Variants in SH3RF2 observed in about 807,000 individuals in gnomAD.
SH3RF2 encodes the protein E3 ubiquitin-protein ligase SH3RF2.
SH3RF2 carries 43 observed loss-of-function variants against 59.0 expected under a neutral mutation model. The ratio of observed to expected loss-of-function variants is 0.73; its 90% confidence interval spans 0.57 to 0.94. The LOEUF (loss-of-function observed/expected upper bound fraction) is 0.94. SH3RF2 is among the 40% of genes least tolerant of loss of function. SH3RF2 has a pLI of 0.00. For missense variants in SH3RF2, 930 were observed against 940.1 expected (o/e 0.99, Z 0.14); for synonymous variants, 391 against 391.5 (o/e 1.00, Z 0.01).
At chr5:146,033,944 G>A (rs1223682753) in intron 5 of SH3RF2, among the ~76,000 whole-genome samples, 1 of 152,208 alleles carries the variant, frequency 6.6e-6, no homozygotes, top group African/African-American at 2.4e-5. Context: ...CAATTGGAAG[G>A]ATGGTTTTCT....
intron 9 of SH3RF2, among the ~76,000 whole-genome samples, chr5:146,076,968 C>T (rs746628264): frequency 3.9e-5 from 6 of 152,164 alleles, no homozygotes. Flanking sequence ...CCTGTTACAT[C>T]AGCACAAGTC....
At chr5:146,068,098 G>C (rs2962536), downstream of SH3RF2, among the ~76,000 whole-genome samples, 87,514 of 152,132 alleles carry the variant, frequency 0.58, 25,926 homozygotes, top group South Asian at 0.79. Context: ...CGCTGAGTGG[G>C]AGGGAGGGCA....
chr5:146,077,210 A>G (rs1763355786), intron 9 of SH3RF2, among the ~76,000 whole-genome samples: 1 of 152,154 alleles, frequency 6.6e-6, no homozygotes, highest in South Asian at 2.1e-4. Flanking sequence ...AGGGGCTGCC[A>G]GAGAGGTTTG....
intron 2 of SH3RF2, among the ~76,000 whole-genome samples, chr5:145,941,339 T>A (rs1407791946): frequency 1.3e-5 from 2 of 152,062 alleles, no homozygotes; most frequent in Admixed American, 6.5e-5. Flanking sequence ...GAGAAAAAAA[T>A]TGCCTATTGT....
chr5:145,995,961 C>G (rs1382375967), intron 2 of SH3RF2, among the ~76,000 whole-genome samples: 2 of 152,062 alleles, frequency 1.3e-5, no homozygotes, highest in African/African-American at 4.8e-5. Context: ...CAACCAATTC[C>G]CTGTTTATTC....
intron 4 of SH3RF2, among the ~76,000 whole-genome samples, chr5:146,009,484 T>C (rs1427223847): frequency 6.6e-6 from 1 of 152,224 alleles, no homozygotes; most frequent in Non-Finnish European, 1.5e-5. Context: ...TCTGGGCATA[T>C]TCTTACCTCC....
At chr5:145,994,409 G>A (rs543799568) in intron 2 of SH3RF2, among the ~76,000 whole-genome samples, 7 of 152,060 alleles carry the variant, frequency 4.6e-5, no homozygotes, top group Non-Finnish European at 1.0e-4. Context: ...CCAATTTATT[G>A]TATTAGTCCA....
At chr5:145,980,086 G>C (rs1759451682) in intron 2 of SH3RF2, among the ~76,000 whole-genome samples, 1 of 152,160 alleles carries the variant, frequency 6.6e-6, no homozygotes, top group South Asian at 2.1e-4. Context: ...TTTGGAAGTA[G>C]GGATGAACAG....
intron 5 of SH3RF2, among the ~76,000 whole-genome samples, chr5:146,025,039 C>T (rs1389099144): frequency 1.3e-5 from 2 of 152,174 alleles, no homozygotes; most frequent in African/African-American, 2.4e-5. Context: ...AAATCTGTCA[C>T]TCCTGAATTT....
intron 9 of SH3RF2, among the ~76,000 whole-genome samples, chr5:146,077,967 G>A (rs927456144): frequency 3.9e-5 from 6 of 152,144 alleles, no homozygotes; most frequent in South Asian, 2.1e-4. Context: ...GATGATAACC[G>A]GTAGAATGAA....
chr5:146,035,725 A>G (rs1761914131), intron 5 of SH3RF2, among the ~76,000 whole-genome samples: 1 of 152,232 alleles, frequency 6.6e-6, no homozygotes, highest in African/African-American at 2.4e-5. Flanking sequence ...CTACTTTATA[A>G]GGACGTAGGT....
intron 4 of SH3RF2, among the ~76,000 whole-genome samples, chr5:146,012,495 G>T (rs1347056232): frequency 6.6e-6 from 1 of 152,062 alleles, no homozygotes; most frequent in Non-Finnish European, 1.5e-5. Context: ...TCTGGTCCTG[G>T]ACTTTTCTTG....
At chr5:146,034,478 A>G (rs1054774969) in intron 5 of SH3RF2, among the ~76,000 whole-genome samples, 6 of 152,242 alleles carry the variant, frequency 3.9e-5, no homozygotes, top group African/African-American at 1.4e-4. Flanking sequence ...GCCAGCAAGC[A>G]TGCCATCCAG....
chr5:146,026,550 T>C (rs1358752798), intron 5 of SH3RF2, among the ~76,000 whole-genome samples: 2 of 152,158 alleles, frequency 1.3e-5, no homozygotes. Flanking sequence ...TGAATCATGG[T>C]TATTGTTGTG....
chr5:146,000,986 A>G (rs1041255904), intron 3 of SH3RF2, among the ~76,000 whole-genome samples: 1 of 152,214 alleles, frequency 6.6e-6, no homozygotes, highest in Non-Finnish European at 1.5e-5. Context: ...AATTCTACTC[A>G]TTTACATTCT....
chr5:145,983,505 C>T (rs1193588084), intron 2 of SH3RF2, among the ~76,000 whole-genome samples: 1 of 152,170 alleles, frequency 6.6e-6, no homozygotes, highest in Non-Finnish European at 1.5e-5. Flanking sequence ...TCCTTCATGC[C>T]AATTCATTCC....
chr5:146,072,411 G>A (rs1763257230), intron 9 of SH3RF2, among the ~76,000 whole-genome samples: 1 of 152,188 alleles, frequency 6.6e-6, no homozygotes, highest in African/African-American at 2.4e-5. Flanking sequence ...GGTGGCTCAC[G>A]CCTGTAATTC....
At chr5:145,949,436 C>T (rs1056593387) in intron 2 of SH3RF2, among the ~76,000 whole-genome samples, 29 of 152,186 alleles carry the variant, frequency 1.9e-4, no homozygotes, top group African/African-American at 7.0e-4. Context: ...GTGATATTAA[C>T]GAGCTGCCTG....
At chr5:145,994,598 C>T (rs1172577074) in intron 2 of SH3RF2, among the ~76,000 whole-genome samples, 1 of 152,124 alleles carries the variant, frequency 6.6e-6, no homozygotes, top group Non-Finnish European at 1.5e-5. Context: ...CTTGATACAC[C>T]CATCAGATCT....
Sources: allele counts gnomAD v4.1 joint callset (sites outside exome capture counted in the v4.1 genomes callset), GRCh38; gene constraint gnomAD v4.1.1; transcripts MANE v1.5; gene names NCBI Gene and HGNC (gene_info 2026-07-23, HGNC 2026-07-21).